The following CBLB variants were observed in gnomAD, a reference collection of about 807,000 sequenced individuals.
CBLB encodes the protein E3 ubiquitin-protein ligase CBL-B.
A neutral mutation model predicts 104.9 loss-of-function variants in CBLB; 31 were observed. The observed-to-expected ratio is 0.30, with a 90% CI of 0.22 to 0.40. CBLB has a LOEUF of 0.40. Ranked by LOEUF, CBLB falls within the 10% of genes least tolerant of loss-of-function variation. The pLI is 1.00. For synonymous variants in CBLB, 440 were observed against 422.6 expected (o/e 1.04, Z -0.51); for missense variants, 1,062 against 1,214.6 (o/e 0.87, Z 1.87).
intron 18 of CBLB, among the ~76,000 whole-genome samples, chr3:105,663,320 A>C (rs1010799577): frequency 2.0e-5 from 3 of 152,212 alleles, no homozygotes; most frequent in Non-Finnish European, 2.9e-5. Context: ...AGGAAGAAGA[A>C]GTGAGCAAAG....
intron 16 of CBLB, 73 bp downstream of exon 16, chr3:105,681,406 C>A: frequency 1.3e-6 from 2 of 1,513,756 alleles, no homozygotes; most frequent in Non-Finnish European, 1.8e-6. Context: ...TTATACTGAA[C>A]TCTGAATTCT....
chr3:105,727,031 T>G (rs1264022164), intron 9 of CBLB, among the ~76,000 whole-genome samples: 1 of 152,208 alleles, frequency 6.6e-6, no homozygotes. Context: ...ATGTGTCTTT[T>G]TAGGACAATG....
intron 3 of CBLB, among the ~76,000 whole-genome samples, chr3:105,784,727 C>T (rs1161983740): frequency 1.3e-5 from 2 of 152,110 alleles, no homozygotes; most frequent in Non-Finnish European, 2.9e-5. Flanking sequence ...AATCCTATTT[C>T]TACTTGTTAC....
chr3:105,841,744 C>T (rs548134713), intron 3 of CBLB, among the ~76,000 whole-genome samples: 77 of 152,170 alleles, frequency 5.1e-4, no homozygotes, highest in South Asian at 2.9e-3. Context: ...TGAGCCACCA[C>T]GCCCAGCCCA....
intron 9 of CBLB, among the ~76,000 whole-genome samples, chr3:105,730,481 G>T (rs1207867666): frequency 6.6e-6 from 1 of 151,958 alleles, no homozygotes; most frequent in Non-Finnish European, 1.5e-5. Context: ...TACCTAGCAT[G>T]CAATCTATAA....
chr3:105,758,375 G>C (rs528002250), intron 4 of CBLB, among the ~76,000 whole-genome samples: 1 of 152,296 alleles, frequency 6.6e-6, no homozygotes, highest in African/African-American at 2.4e-5. Flanking sequence ...GGGTATTTAT[G>C]CTGCATAATT....
At chr3:105,675,792 G>A (rs1169807929) in intron 17 of CBLB, among the ~76,000 whole-genome samples, 1 of 149,688 alleles carries the variant, frequency 6.7e-6, no homozygotes, top group African/African-American at 2.5e-5. Flanking sequence ...GGTAGAGGCA[G>A]GAGAATCACT....
chr3:105,687,129 A>G (rs1450873191), intron 13 of CBLB, among the ~76,000 whole-genome samples: 3 of 152,242 alleles, frequency 2.0e-5, no homozygotes, highest in East Asian at 3.9e-4. Context: ...TATACTGTAC[A>G]TCCTCTCTAT....
intron 3 of CBLB, among the ~76,000 whole-genome samples, chr3:105,810,231 CTTAT>C (rs1440853397): frequency 1.3e-5 from 2 of 152,056 alleles, no homozygotes; most frequent in Non-Finnish European, 2.9e-5. Flanking sequence ...ATGTTTTGCT[CTTAT>C]TTTATTCAAT....
intron 3 of CBLB, among the ~76,000 whole-genome samples, chr3:105,848,746 A>T (rs2090589168): frequency 6.6e-6 from 1 of 152,132 alleles, no homozygotes; most frequent in Admixed American, 6.6e-5. Flanking sequence ...TGTTTCTACT[A>T]TTACTGTCCT....
chr3:105,661,464 A>G (rs1306010035), intron 18 of CBLB, among the ~76,000 whole-genome samples: 1 of 152,182 alleles, frequency 6.6e-6, no homozygotes, highest in African/African-American at 2.4e-5. Flanking sequence ...CATTTAAATC[A>G]TGTCTGTTCT....
At chr3:105,793,940 T>G (rs2081976071) in intron 3 of CBLB, among the ~76,000 whole-genome samples, 1 of 152,166 alleles carries the variant, frequency 6.6e-6, no homozygotes, top group South Asian at 2.1e-4. Context: ...GAATATGAAG[T>G]ATGAAAATAT....
At chr3:105,664,868 T>C (rs1326370503) in intron 18 of CBLB, among the ~76,000 whole-genome samples, 1 of 152,200 alleles carries the variant, frequency 6.6e-6, no homozygotes, top group East Asian at 1.9e-4. Context: ...ATTCCATCAC[T>C]ATTATCATGA....
At chr3:105,843,959 C>T (rs1183739803) in intron 3 of CBLB, among the ~76,000 whole-genome samples, 4 of 152,170 alleles carry the variant, frequency 2.6e-5, no homozygotes, top group African/African-American at 9.7e-5. Context: ...CTCAATCCTA[C>T]CTGTCAATAT....
chr3:105,734,560 T>C (rs1439185399), intron 8 of CBLB, among the ~76,000 whole-genome samples: 1 of 152,182 alleles, frequency 6.6e-6, no homozygotes, highest in Non-Finnish European at 1.5e-5. Flanking sequence ...GGCTAAACAT[T>C]AAATTTTACT....
At chr3:105,661,961 T>C (rs1021141580) in intron 18 of CBLB, among the ~76,000 whole-genome samples, 1 of 152,174 alleles carries the variant, frequency 6.6e-6, no homozygotes, top group Non-Finnish European at 1.5e-5. Context: ...GCAATTACTA[T>C]AACAGGAATG....
rs927787824 is a variant in CBLB, at chr3:105,844,318, C to T, written c.419+9096G>A. ...TTAAGCCACCCAGTATGTGGTACTT[C>T]GTTACCGCAGCCCGAAGAAACAAAT... On this transcript the variant is annotated intron_variant, in intron 3 of 18. Transcript: ENST00000394030. Among the ~76,000 whole-genome samples the T allele has an allele frequency of 1.1e-4, 16 of 152,302 alleles. No homozygotes were observed. The South Asian group carries it at 1.9e-3, about 18-fold the overall frequency.
chr3:105,842,125 G>T (rs990301375), intron 3 of CBLB, among the ~76,000 whole-genome samples: 3 of 152,074 alleles, frequency 2.0e-5, no homozygotes, highest in African/African-American at 7.3e-5. Flanking sequence ...GGGTCCTTAG[G>T]CTTGGGATTC....
At chr3:105,671,148 C>T (rs1424330985) in intron 17 of CBLB, 1 of 193,298 alleles carries the variant, frequency 5.2e-6, no homozygotes, top group Admixed American at 6.1e-5. Flanking sequence ...ATAAACCCAA[C>T]TGGTTTAACA....
Sources: gnomAD v4.1 joint callset for allele counts (sites outside exome capture counted in the v4.1 genomes callset) on GRCh38, gnomAD v4.1.1 for gene constraint, MANE v1.5 for transcripts, NCBI Gene and HGNC (gene_info 2026-07-23, HGNC 2026-07-21) for gene names.